Variants in KALRN observed in about 807,000 individuals in gnomAD.
KALRN encodes the protein kalirin.
A neutral mutation model predicts 353.7 loss-of-function variants in KALRN; 70 were observed. That is an observed-to-expected ratio of 0.20 (90% CI 0.16 to 0.24). The LOEUF is 0.24. Among genes scored for constraint, KALRN ranks in the 10% least tolerant of loss-of-function variants. KALRN has a pLI of 1.00. For missense variants in KALRN, 2,791 were observed against 3,756.7 expected (o/e 0.74, Z 6.72); for synonymous variants, 1,391 against 1,434.8 (o/e 0.97, Z 0.69).
chr3:124,694,258 T>G (rs1054429266), intron 52 of KALRN, 74 bp from the exon 53 acceptor site: 3 of 1,374,134 alleles, frequency 2.2e-6, no homozygotes, highest in Non-Finnish European at 3.1e-6. Flanking sequence ...ATGAGAGAGG[T>G]GTGTTAAAAC....
chr3:124,080,412 G>C (rs954927679), intron 1 of KALRN, among the ~76,000 whole-genome samples: 1 of 152,174 alleles, frequency 6.6e-6, no homozygotes, highest in African/African-American at 2.4e-5. Context: ...GTAGATCCTG[G>C]TATTAGTTAT....
At chr3:124,224,778 A>G (rs935332250) in intron 1 of KALRN, among the ~76,000 whole-genome samples, 1 of 152,298 alleles carries the variant, frequency 6.6e-6, no homozygotes, top group Admixed American at 6.5e-5. Context: ...CTTCCTTTTA[A>G]AGCATATTGA....
chr3:124,661,042 A>G, intron 44 of KALRN, 69 bp downstream of exon 44: 1 of 1,248,942 alleles, frequency 8.0e-7, no homozygotes. Flanking sequence ...TAGAGGGGAA[A>G]AGATTGTCTC....
At chr3:124,684,633 C>G (rs1208662641) in intron 51 of KALRN, among the ~76,000 whole-genome samples, 1 of 152,238 alleles carries the variant, frequency 6.6e-6, no homozygotes, top group African/African-American at 2.4e-5. Flanking sequence ...ACCCTTTGAG[C>G]ACCATGCACG....
rs2080897596 is a variant in KALRN, at chr3:124,632,515, C to G, written c.5278C>G (p.Pro1760Ala). The G allele has an allele frequency of 2.5e-6, 4 of 1,614,090 alleles. No homozygotes were observed. In the Middle Eastern group the frequency reaches 4.9e-4, roughly 199 times the overall value. ...CTCCCTGAACTCCATCCACAGTTCC[C>G]CGGGTCCCAAGCGCTCCACCAACAC... is the stretch of plus-strand genomic sequence containing the variant. ...QPSLNSIHSS[P>A]GPKRSTNTLK... The change falls in exon 35 of 60, where the codon CCG becomes GCG. Residue 1760 changes from proline (P) to alanine (A), a missense_variant. Pro to Ala is a conservative substitution (Grantham distance 27). This residue lies in a region of KALRN where 1,065 missense variants were observed against 1,156.4 expected (regional missense o/e 0.92). Coordinates refer to ENST00000682506, the MANE Select transcript of KALRN (RefSeq NM_001388419.1).
chr3:124,147,755 A>AG (rs1202838915), intron 1 of KALRN, among the ~76,000 whole-genome samples: 1 of 152,222 alleles, frequency 6.6e-6, no homozygotes, highest in Non-Finnish European at 1.5e-5. Flanking sequence ...TATCTGGAAG[A>AG]GGGAGAGGGT....
intron 1 of KALRN, among the ~76,000 whole-genome samples, chr3:124,079,517 A>G (rs544234924): frequency 1.3e-5 from 2 of 152,196 alleles, no homozygotes; most frequent in African/African-American, 4.8e-5. Context: ...CCCAGAGCCC[A>G]AGACATCTAC....
intron 13 of KALRN, among the ~76,000 whole-genome samples, chr3:124,404,153 GAAAA>G (rs66603520): frequency 8.1e-6 from 1 of 123,596 alleles, no homozygotes; most frequent in African/African-American, 3.3e-5. Context: ...CTGCTCTCTG[GAAAA>G]AAAAAAAAAA....
chr3:124,492,938 A>G, intron 32 of KALRN, 56 bp downstream of exon 32: 7 of 1,587,786 alleles, frequency 4.4e-6, no homozygotes, highest in Non-Finnish European at 6.0e-6. Context: ...CGGGTGCGGG[A>G]ATGGGATGAA....
intron 38 of KALRN, among the ~76,000 whole-genome samples, chr3:124,651,283 A>G (rs1406355330): frequency 6.6e-6 from 1 of 152,226 alleles, no homozygotes; most frequent in Non-Finnish European, 1.5e-5. Flanking sequence ...AGAGTCTCTG[A>G]CCGTGGCAGA....
intron 5 of KALRN, among the ~76,000 whole-genome samples, chr3:124,295,617 A>G (rs2076786495): frequency 6.6e-6 from 1 of 152,176 alleles, no homozygotes; most frequent in Non-Finnish European, 1.5e-5. Context: ...TTAACATAAC[A>G]TACAGGGAAG....
rs74650337 is a variant in KALRN at position 124,412,396 on chromosome 3, C to T, written c.2347-1074C>T. Among the ~76,000 whole-genome samples the T allele has an allele frequency of 4.1e-3, 618 of 152,316 alleles. 18 individuals carry two copies. The East Asian group carries it at 0.077, about 19-fold the overall frequency. On this transcript the variant is annotated intron_variant, in intron 13 of 59. Coordinates refer to ENST00000682506, the MANE Select transcript of KALRN (RefSeq NM_001388419.1). ...GTGACCTGGAGTGACACTTTCGTCT[C>T]CTGAGAAAAGAGGATGACAGTACAC...
In KALRN at chr3:124,422,858, G is replaced by A; in HGVS notation, c.2589G>A (p.Val863=). The part of the protein sequence containing the change: ...CEKDIDLAAQ[V]QELLEFLHEK... ...AAGACATTGATCTGGCAGCCCAGGT[G>A]CAAGAGTTATTGGAATTTCTCCATG... Residue 863 remains valine (V), a synonymous_variant, in exon 15 of 60, where the codon GTG becomes GTA. Coordinates refer to ENST00000682506, the MANE Select transcript of KALRN (RefSeq NM_001388419.1). The A allele has an allele frequency of 6.2e-7, 1 of 1,613,900 alleles. No homozygotes were observed. Among genetic ancestry groups the A allele is most frequent in the Non-Finnish European group, 8.5e-7 (1 of 1,179,820 alleles).
At position 124,234,946 on chromosome 3, in the gene KALRN, A is replaced by G. The variant is rs757134810; in HGVS notation, c.263+3A>G. On this transcript the variant is annotated splice_donor_region_variant and intron_variant, in intron 3 of 59. Transcript: ENST00000682506. ...ACGTATTTGGCCAGCGTGCCAAGGT[A>G]AGGGGAAGGGGAATGGCCTGCAGGG... 1 of 1,586,220 alleles carries G rather than the reference A, an allele frequency of 6.3e-7. No individual in the cohort carries two copies. Among genetic ancestry groups the G allele is most frequent in the Non-Finnish European group, 8.6e-7 (1 of 1,163,392 alleles).
At chr3:124,042,704 G>T (rs558515344) in intron 1 of KALRN, among the ~76,000 whole-genome samples, 3 of 152,128 alleles carry the variant, frequency 2.0e-5, no homozygotes, top group Non-Finnish European at 4.4e-5. Context: ...AGCAGCTGTG[G>T]GGAGGCAGGG....
Position 124,559,641 on chromosome 3 carries a change from C to T in KALRN, c.4936-3202C>T, listed in dbSNP as rs34531562. On this transcript the variant is annotated intron_variant, in intron 33 of 59. Transcript: ENST00000682506. ...GAGATTCTGTGCTGCCTACTCAGCT[C>T]CCAGCATCTCCCTGAGTAGGAATAA... is the stretch of plus-strand genomic sequence containing the variant. Among the ~76,000 whole-genome samples the T allele has an allele frequency of 6.1e-3, 932 of 152,270 alleles. 7 individuals carry two copies. The highest frequency in any genetic ancestry group is 9.9e-3 in the Non-Finnish European group (676 of 68,018).
chr3:124,428,011 A>T (rs2093101183), intron 15 of KALRN, among the ~76,000 whole-genome samples: 1 of 152,204 alleles, frequency 6.6e-6, no homozygotes, highest in Non-Finnish European at 1.5e-5. Flanking sequence ...AGGGAGCTTA[A>T]ATGATGTTTG....
intron 10 of KALRN, among the ~76,000 whole-genome samples, chr3:124,374,117 A>G (rs570466071): frequency 2.0e-5 from 3 of 152,314 alleles, no homozygotes; most frequent in African/African-American, 7.2e-5. Flanking sequence ...TGCCCTTTTA[A>G]AGAGGTTCTA....
At position 124,384,952 on chromosome 3, in the gene KALRN, G is replaced by A; in HGVS notation, c.1878G>A (p.Val626=). ...EIYKAARHLE[V]RIQDFVRRVE... ...ACAAGGCAGCTCGACACCTGGAGGT[G>A]CGCATCCAAGACTTCGTGCGCAGGG... Residue 626 remains valine (V), a synonymous_variant, in exon 11 of 60, where the codon GTG becomes GTA. Coordinates refer to ENST00000682506, the MANE Select transcript of KALRN (RefSeq NM_001388419.1). 1 of 1,614,110 alleles carries A rather than the reference G, an allele frequency of 6.2e-7. No homozygotes were observed.
Sources: allele counts gnomAD v4.1 joint callset (sites outside exome capture counted in the v4.1 genomes callset), GRCh38; gene constraint gnomAD v4.1.1; regional missense constraint gnomAD v4.1.1; transcripts MANE v1.5; gene names NCBI Gene and HGNC (gene_info 2026-07-23, HGNC 2026-07-21).